MRM2: variants seen among roughly 807,000 people sequenced by gnomAD.
MRM2 encodes mitochondrial rRNA methyltransferase 2, also known as rRNA methyltransferase 2, mitochondrial.
A neutral mutation model predicts 10.9 loss-of-function variants in MRM2; 15 were observed. The ratio of observed to expected loss-of-function variants is 1.37; its 90% confidence interval spans 0.92 to 2.11. MRM2 has a LOEUF of 2.11. Ranked by LOEUF, MRM2 falls within the 30% of genes most tolerant of loss-of-function variation. The pLI, the probability that MRM2 is intolerant of heterozygous loss-of-function variation, is 0.00. For missense variants in MRM2, 328 were observed against 321.3 expected (o/e 1.02, Z -0.16); for synonymous variants, 139 against 128.7 (o/e 1.08, Z -0.54).
intron 2 of MRM2, among the ~76,000 whole-genome samples, chr7:2,237,340 T>C (rs1372679317): frequency 2.0e-5 from 3 of 152,144 alleles, no homozygotes; most frequent in African/African-American, 7.2e-5. Context: ...TCCTATAATA[T>C]CCAGTATGTT....
intron 2 of MRM2, among the ~76,000 whole-genome samples, chr7:2,236,806 C>T (rs1437648567): frequency 6.6e-6 from 1 of 152,118 alleles, no homozygotes; most frequent in African/African-American, 2.4e-5. Flanking sequence ...CTCAACAGAA[C>T]TACGGCCCTC....
At chr7:2,238,484 T>C (rs1178685950) in intron 2 of MRM2, 1 of 152,198 alleles carries the variant, frequency 6.6e-6, no homozygotes, top group African/African-American at 2.4e-5. Context: ...AGATGAAAAC[T>C]GTGTCTCAGC....
Position 2,239,629 on chromosome 7 carries a change from G to C in MRM2, c.87C>G (p.Gly29=), listed in dbSNP as rs183764913. The part of the protein sequence containing the change: ...TVGSRCKNRT[G]AEHLWLTRHL... Reference sequence around the variant, plus strand: ...GTCGGGTCAGCCACAGGTGCTCAGCGCCTGTCCGATTCTTGCAGCGACTCC... The same window carrying C: ...GTCGGGTCAGCCACAGGTGCTCAGCCCCTGTCCGATTCTTGCAGCGACTCC... Residue 29 remains glycine (G), a synonymous_variant, in exon 2 of 3, where the codon GGC becomes GGG. Coordinates refer to ENST00000242257, the MANE Select transcript of MRM2 (RefSeq NM_013393.3). 1 of 1,613,344 alleles carries C rather than the reference G, an allele frequency of 6.2e-7. No homozygotes were observed. Among genetic ancestry groups the C allele is most frequent in the African/African-American group, 1.3e-5 (1 of 74,892 alleles).
chr7:2,241,844 C>A (rs1256673931), intron 1 of MRM2: 2 of 382,576 alleles, frequency 5.2e-6, no homozygotes, highest in East Asian at 8.7e-5. Context: ...AGCTACCCGG[C>A]CCAGAAGCGA....
chr7:2,240,902 G>A (rs370768012), intron 1 of MRM2, among the ~76,000 whole-genome samples: 1 of 152,144 alleles, frequency 6.6e-6, no homozygotes, highest in South Asian at 2.1e-4. Context: ...CACCATGTTG[G>A]CCAGGCTGGT....
intron 2 of MRM2, among the ~76,000 whole-genome samples, chr7:2,237,671 G>C (rs1208084010): frequency 6.6e-6 from 1 of 152,124 alleles, no homozygotes; most frequent in Non-Finnish European, 1.5e-5. Flanking sequence ...GACCACGATG[G>C]AAGCACCAGG....
rs1483569678 is a variant in MRM2, at chr7:2,239,625, C to T, written c.91G>A (p.Glu31Lys). ...GSRCKNRTGA[E>K]HLWLTRHLRD... ...AGATGTCGGGTCAGCCACAGGTGCT[C>T]AGCGCCTGTCCGATTCTTGCAGCGA... is the stretch of plus-strand genomic sequence containing the variant. The change falls in exon 2 of 3, where the codon GAG (glutamate) becomes AAG (lysine). Residue 31 changes from glutamate (E) to lysine (K), a missense_variant. Glu to Lys is a moderately conservative substitution (Grantham distance 56, BLOSUM62 1). Transcript: ENST00000242257. 1 of 1,613,650 alleles carries T rather than the reference C, an allele frequency of 6.2e-7. No homozygotes were observed. The highest frequency in any genetic ancestry group is 1.3e-5 in the African/African-American group (1 of 75,030).
intron 2 of MRM2, among the ~76,000 whole-genome samples, chr7:2,237,188 G>A (rs73041402): frequency 0.029 from 4,433 of 152,144 alleles, 99 homozygotes; most frequent in South Asian, 0.055. Flanking sequence ...TTGTAGAGAC[G>A]GGGGTTTCAC....
intron 2 of MRM2, chr7:2,238,965 T>C (rs756194337): frequency 2.8e-4 from 42 of 150,434 alleles, no homozygotes; most frequent in Admixed American, 1.2e-3. Flanking sequence ...ACAAAAATAA[T>C]AACAATAATA....
Position 2,242,163 on chromosome 7 carries a change from C to T in MRM2, c.7G>A (p.Gly3Arg), listed in dbSNP as rs768327953. 3.1e-6 allele frequency: 5 copies of T among 1,589,248 alleles called. No homozygotes were observed. Among genetic ancestry groups the T allele is most frequent in the African/African-American group, 2.7e-5 (2 of 73,418 alleles). The change falls in exon 1 of 3, where the codon GGG becomes AGG. Residue 3 changes from glycine (G) to arginine (R), a missense_variant and splice_region_variant. Transcript: ENST00000242257. MA[G>R]YLKLVCVSFQ... ...GCGCAGCAGCAGCGCCCAGCTCACC[C>T]CGCCATTGGTGTTCCCCGCGCCTGC...
intron 2 of MRM2, 120 bp from the exon 3 acceptor site, chr7:2,235,684 A>C: frequency 2.9e-6 from 2 of 679,806 alleles, no homozygotes; most frequent in Non-Finnish European, 4.9e-6. Context: ...CAAAGAGCTA[A>C]TGTGCAAATA....
In MRM2 at chr7:2,234,845, T is replaced by C. The variant is rs781589153; in HGVS notation, c.*277A>G. 1 of 452,480 alleles carries C rather than the reference T, an allele frequency of 2.2e-6. No individual in the cohort carries two copies. Among genetic ancestry groups the C allele is most frequent in the Non-Finnish European group, 4.0e-6 (1 of 250,994 alleles). The allele number at this position is 452,480 out of a possible 1,614,324, so 28.0% of individuals were successfully genotyped here. A position where few individuals can be genotyped will look rare whatever the true frequency, so the allele number is the denominator to read the frequency against. On this transcript the variant is annotated 3_prime_UTR_variant, in exon 3 of 3. Coordinates refer to ENST00000242257, the MANE Select transcript of MRM2 (RefSeq NM_013393.3). ...CTTCTGATCCTTCCCACAGTCTGTT[T>C]TTCTCCATCCTTCCATCCTCACCTC...
intron 2 of MRM2, chr7:2,238,802 G>A (rs1794463248): frequency 6.5e-6 from 1 of 152,680 alleles, no homozygotes; most frequent in African/African-American, 2.4e-5. Flanking sequence ...AATTAGCTGG[G>A]TGCGGTGGCG....
At chr7:2,239,994 CCT>C (rs1293184327) in intron 1 of MRM2, among the ~76,000 whole-genome samples, 1 of 152,148 alleles carries the variant, frequency 6.6e-6, no homozygotes, top group Admixed American at 6.5e-5. Context: ...AGGTGGATCC[CCT>C]GAGGTCAGGA....
At chr7:2,237,016 T>C (rs150418439) in intron 2 of MRM2, among the ~76,000 whole-genome samples, 26 of 146,416 alleles carry the variant, frequency 1.8e-4, no homozygotes, top group African/African-American at 6.6e-4. Flanking sequence ...GCAAGTTATC[T>C]TTGTGTGTCT....
chr7:2,240,205 G>C (rs1794494998), intron 1 of MRM2: 1 of 445,904 alleles, frequency 2.2e-6, no homozygotes, highest in Admixed American at 2.4e-5. Flanking sequence ...CTGGGCGACA[G>C]AGCGAGACTC....
At chr7:2,236,542 T>C (rs1794422494) in intron 2 of MRM2, among the ~76,000 whole-genome samples, 1 of 152,072 alleles carries the variant, frequency 6.6e-6, no homozygotes, top group South Asian at 2.1e-4. Flanking sequence ...ATATAAAAAT[T>C]AGCTGTAGTC....
At chr7:2,242,095 G>A (rs928247885) in intron 1 of MRM2, 67 bp downstream of exon 1, 7 of 1,544,038 alleles carry the variant, frequency 4.5e-6, no homozygotes, top group Non-Finnish European at 6.1e-6. Flanking sequence ...CAGGACCGAG[G>A]AAGGCGACCG....
intron 1 of MRM2, 189 bp downstream of exon 1, chr7:2,241,973 A>G: frequency 1.8e-6 from 1 of 552,556 alleles, no homozygotes; most frequent in Non-Finnish European, 3.0e-6. Context: ...GCCCCTGGAG[A>G]CCTGAGGGCG....
Sources: gnomAD v4.1 joint callset for allele counts (sites outside exome capture counted in the v4.1 genomes callset) on GRCh38, gnomAD v4.1.1 for gene constraint, MANE v1.5 for transcripts, NCBI Gene and HGNC (gene_info 2026-07-23, HGNC 2026-07-21) for gene names.